The following HMCN1 variants were observed in gnomAD, a reference collection of about 807,000 sequenced individuals.
HMCN1 encodes the protein hemicentin-1.
In HMCN1, 321 loss-of-function variants were observed where a neutral mutation model predicts 625.9. That is an observed-to-expected ratio of 0.51 (90% CI 0.47 to 0.56). The LOEUF is 0.56. Ranked by LOEUF, HMCN1 falls within the 20% of genes least tolerant of loss-of-function variation. The pLI is 0.00. For missense variants in HMCN1, 6,588 were observed against 6,887.3 expected (o/e 0.96, Z 1.54); for synonymous variants, 2,425 against 2,417.6 (o/e 1.00, Z -0.09).
In HMCN1 at chr1:186,120,326, G is replaced by C. The variant is rs192235082; in HGVS notation, c.12229+181G>C. ...AAGAAAGTTTAATGTATTTTATTTTGTTGGCCATTGTTTGTATAAGAAAAC... is the reference window on the plus strand; with the variant it reads ...AAGAAAGTTTAATGTATTTTATTTTCTTGGCCATTGTTTGTATAAGAAAAC... On this transcript the variant is annotated intron_variant, in intron 80 of 106. Transcript: ENST00000271588. Among the ~76,000 whole-genome samples the C allele has an allele frequency of 6.3e-4, 95 of 151,968 alleles. 2 individuals are homozygous for C. Among genetic ancestry groups the C allele is most frequent in the Admixed American group, 6.0e-3 (91 of 15,272 alleles).
chr1:185,737,373 C>T (rs964548559), intron 1 of HMCN1, among the ~76,000 whole-genome samples: 1 of 152,112 alleles, frequency 6.6e-6, no homozygotes, highest in African/African-American at 2.4e-5. Flanking sequence ...TAGTCTTGAA[C>T]TCCTGGCCTC....
At chr1:186,118,984 G>A (rs1439471669) in intron 77 of HMCN1, among the ~76,000 whole-genome samples, 2 of 152,138 alleles carry the variant, frequency 1.3e-5, no homozygotes, top group African/African-American at 4.8e-5. Context: ...ATTTAAATGA[G>A]TGACCCTTAT....
chr1:185,805,501 C>T (rs926088097), intron 1 of HMCN1, among the ~76,000 whole-genome samples: 48 of 152,046 alleles, frequency 3.2e-4, no homozygotes, highest in African/African-American at 1.1e-3. Context: ...ATTGGTACTT[C>T]TGAGCTTTAT....
At chr1:185,891,735 C>T (rs527248697) in intron 4 of HMCN1, among the ~76,000 whole-genome samples, 6 of 148,090 alleles carry the variant, frequency 4.1e-5, no homozygotes, top group African/African-American at 1.6e-4. Flanking sequence ...TCTCTGGCTG[C>T]CCTTAACATT....
At chr1:186,080,718 G>T (rs919668053) in intron 55 of HMCN1, among the ~76,000 whole-genome samples, 15 of 152,124 alleles carry the variant, frequency 9.9e-5, no homozygotes, top group African/African-American at 3.6e-4. Flanking sequence ...CTGGTGCTGA[G>T]GCTGGGAAAC....
In HMCN1 at chr1:186,190,456, G is replaced by A; in HGVS notation, c.*578G>A. ...CTATAAGGCTTGTTTGATCCCAAAT[G>A]GTGCTTATCTTGATTGAACATTCAG... On this transcript the variant is annotated 3_prime_UTR_variant, in exon 107 of 107. Coordinates refer to ENST00000271588, the MANE Select transcript of HMCN1 (RefSeq NM_031935.3). The A allele has an allele frequency of 5.0e-6, 1 of 198,940 alleles. No homozygotes were observed. Among genetic ancestry groups the A allele is most frequent in the African/African-American group, 2.3e-5 (1 of 43,414 alleles). The allele number at this position is 198,940 out of a possible 1,614,324, so 12.3% of individuals were successfully genotyped here. A position where few individuals can be genotyped will look rare whatever the true frequency, so the allele number is the denominator to read the frequency against.
intron 41 of HMCN1, 131 bp from the exon 42 acceptor site, chr1:186,048,612 G>A: frequency 1.5e-6 from 1 of 678,368 alleles, no homozygotes; most frequent in Non-Finnish European, 2.6e-6. Context: ...CATTTATATT[G>A]CTATTTTGTC....
intron 1 of HMCN1, among the ~76,000 whole-genome samples, chr1:185,823,473 T>A (rs1660324114): frequency 6.6e-6 from 1 of 152,116 alleles, no homozygotes; most frequent in African/African-American, 2.4e-5. Context: ...ACTGACAGAT[T>A]TTTTTTGTTA....
intron 6 of HMCN1, among the ~76,000 whole-genome samples, chr1:185,912,632 T>G (rs1666487841): frequency 6.6e-6 from 1 of 152,002 alleles, no homozygotes; most frequent in Non-Finnish European, 1.5e-5. Context: ...TCTTGGAGGT[T>G]TTTTCCTAGA....
intron 97 of HMCN1, among the ~76,000 whole-genome samples, chr1:186,156,408 TA>T (rs1651023555): frequency 6.6e-6 from 1 of 152,088 alleles, no homozygotes; most frequent in South Asian, 2.1e-4. Context: ...AAAGAGTAAA[TA>T]ATGACAAATG....
chr1:186,040,319 GA>G (rs1478730648), intron 39 of HMCN1, among the ~76,000 whole-genome samples: 1 of 151,884 alleles, frequency 6.6e-6, no homozygotes, highest in Non-Finnish European at 1.5e-5. Context: ...AATATAGTAA[GA>G]AAAAATATAA....
rs937946302 is a variant in HMCN1, at chr1:186,151,830, A to C, written c.14896+87A>C. On this transcript the variant is annotated intron_variant, in intron 95 of 106. Transcript: ENST00000271588. ...AAGAAAAATACGTGTTCCCACATAG[A>C]ATAATTTGAAACTTTTTACGCAATC... 1.4e-5 allele frequency: 19 copies of C among 1,368,332 alleles called. No homozygotes were observed. The Admixed American group carries it at 1.7e-4, about 12-fold the overall frequency. 84.8% of individuals were successfully genotyped at this position (1,368,332 alleles called of 1,614,324 possible). A position where few individuals can be genotyped will look rare whatever the true frequency, so the allele number is the denominator to read the frequency against.
At chr1:186,016,316 A>T in intron 32 of HMCN1, 77 bp downstream of exon 32, 1 of 1,365,674 alleles carries the variant, frequency 7.3e-7, no homozygotes, top group Non-Finnish European at 1.0e-6. Flanking sequence ...TTTTTTGTTC[A>T]TGCAATAATA....
At chr1:185,740,558 G>C (rs1653915165) in intron 1 of HMCN1, among the ~76,000 whole-genome samples, 1 of 152,092 alleles carries the variant, frequency 6.6e-6, no homozygotes, top group Non-Finnish European at 1.5e-5. Context: ...GTCAGTGTTG[G>C]GAGGTAGGGC....
rs1660218546 is a variant in HMCN1, at chr1:186,098,070, T to TG, written c.10573+2549_10573+2550insG. On this transcript the variant is annotated intron_variant, in intron 68 of 106. Coordinates refer to ENST00000271588, the MANE Select transcript of HMCN1 (RefSeq NM_031935.3). ...ATCAACTCAAAATGGATTAAAGAGT[T>TG]AAATGTAAGATCCCAAACTACGAAA... is the stretch of plus-strand genomic sequence containing the variant. 2.0e-5 allele frequency among the ~76,000 whole-genome samples: 3 copies of TG among 152,112 alleles called. No homozygotes were observed. The South Asian group carries it at 6.2e-4, about 32-fold the overall frequency.
At chr1:185,999,735 T>C (rs1558130486) in intron 25 of HMCN1, among the ~76,000 whole-genome samples, 1 of 152,074 alleles carries the variant, frequency 6.6e-6, no homozygotes, top group African/African-American at 2.4e-5. Flanking sequence ...ATTAATATAG[T>C]TCCTGCCCTG....
intron 63 of HMCN1, 127 bp downstream of exon 63, chr1:186,088,882 A>G (rs1659683336): frequency 5.4e-6 from 5 of 930,802 alleles, no homozygotes; most frequent in African/African-American, 1.7e-5. Context: ...AAAAACTATC[A>G]TCAGTTTTCT....
chr1:186,087,725 T>C, intron 60 of HMCN1, 80 bp downstream of exon 60: 2 of 1,345,350 alleles, frequency 1.5e-6, no homozygotes, highest in Non-Finnish European at 1.1e-6. Flanking sequence ...GCATATTCCC[T>C]TTTACTACAG....
chr1:185,881,874 G>A (rs1169498802), intron 4 of HMCN1, among the ~76,000 whole-genome samples: 1 of 152,128 alleles, frequency 6.6e-6, no homozygotes, highest in Non-Finnish European at 1.5e-5. Context: ...ATCCAAACTT[G>A]TTCTGAATAT....
Sources: allele counts gnomAD v4.1 joint callset (sites outside exome capture counted in the v4.1 genomes callset), GRCh38; gene constraint gnomAD v4.1.1; transcripts MANE v1.5; gene names NCBI Gene and HGNC (gene_info 2026-07-23, HGNC 2026-07-21).